RASSF1: variants seen among roughly 807,000 people sequenced by gnomAD.
RASSF1 encodes the protein Ras association domain family member 1, also known as ras association domain-containing protein 1.
Under a neutral mutation model 34.3 loss-of-function variants are expected in RASSF1, and 33 were observed. That is an observed-to-expected ratio of 0.96 (90% CI 0.73 to 1.29). RASSF1 has a LOEUF of 1.29. Among genes scored for constraint, RASSF1 ranks in the 50% most tolerant of loss-of-function variants. The pLI, the probability that RASSF1 is intolerant of heterozygous loss-of-function variation, is 0.00. For synonymous variants in RASSF1, 191 were observed against 195.0 expected, an observed-to-expected ratio of 0.98 and a Z score of 0.17; for missense variants, 445 against 471.8, an observed-to-expected ratio of 0.94 and a Z score of 0.53.
chr3:50,337,088 G>T (rs1222226942), intron 2 of RASSF1: 2 of 1,439,114 alleles, frequency 1.4e-6, no homozygotes, highest in South Asian at 1.4e-5. Flanking sequence ...GCTGCCCACC[G>T]ACCCAGGACG....
At chr3:50,337,700 G>C in intron 2 of RASSF1, 1 of 840,170 alleles carries the variant, frequency 1.2e-6, no homozygotes, top group East Asian at 2.8e-5. Context: ...CTGGGCCCGG[G>C]TCCGCTTGCA....
At chr3:50,339,814 G>A (rs1368597438) in intron 1 of RASSF1, among the ~76,000 whole-genome samples, 1 of 152,230 alleles carries the variant, frequency 6.6e-6, no homozygotes, top group Non-Finnish European at 1.5e-5. Context: ...GGCCAGAGCA[G>A]TGATGCTCAA....
chr3:50,337,917 C>T lies in RASSF1; in HGVS notation c.345G>A (p.Arg115=). ...GCCCCGCGCTCACCACGTTCGTGTC[C>T]CGCTCCACCGCGGGTTCCCAGCCCA... ...RDLGWEPAVE[R]DTNVDEPVEW... Residue 115 remains arginine (R), a synonymous_variant, in exon 2 of 6, where the codon CGG becomes CGA. Coordinates refer to ENST00000359365, the MANE Select transcript of RASSF1 (RefSeq NM_007182.5). 1 of 1,609,728 alleles carries T rather than the reference C, an allele frequency of 6.2e-7. No individual in the cohort carries two copies. The highest frequency in any genetic ancestry group is 8.5e-7 in the Non-Finnish European group (1 of 1,176,790).
intron 5 of RASSF1, 104 bp downstream of exon 5, chr3:50,331,230 G>T: frequency 1.1e-6 from 1 of 919,478 alleles, no homozygotes; most frequent in Non-Finnish European, 1.6e-6. Flanking sequence ...GAACTGTTTT[G>T]CAGGGCTTGT....
chr3:50,339,661 G>C (rs1334700747), intron 1 of RASSF1, among the ~76,000 whole-genome samples: 2 of 152,060 alleles, frequency 1.3e-5, no homozygotes, highest in Non-Finnish European at 2.9e-5. Flanking sequence ...GAGCCACCGC[G>C]CTCGGCCCCT....
At chr3:50,339,491 G>T (rs1195406962) in intron 1 of RASSF1, among the ~76,000 whole-genome samples, 2 of 148,002 alleles carry the variant, frequency 1.4e-5, no homozygotes, top group African/African-American at 5.0e-5. Context: ...TCAGCCTCCC[G>T]AGTAGCTGGG....
intron 2 of RASSF1, among the ~76,000 whole-genome samples, chr3:50,333,590 C>T (rs1043701949): frequency 6.6e-6 from 1 of 152,058 alleles, no homozygotes; most frequent in African/African-American, 2.4e-5. Context: ...GATTCTCCTG[C>T]CTCAGACTCC....
At position 50,340,818 on chromosome 3, in the gene RASSF1, C is replaced by T. The variant is rs754629908; in HGVS notation, c.-13G>A. ...GCTCCCCCGACATGGCCCGGTTGGG[C>T]CCGTGCTTCGCTGGCTTTGGGCGCT... On this transcript the variant is annotated 5_prime_UTR_variant, in exon 1 of 6. Transcript: ENST00000359365. 1.4e-6 allele frequency: 2 copies of T among 1,462,308 alleles called. No homozygotes were observed. Among genetic ancestry groups the T allele is most frequent in the South Asian group, 1.3e-5 (1 of 78,106 alleles). 90.6% of individuals were successfully genotyped at this position (1,462,308 alleles called of 1,614,324 possible). A position where few individuals can be genotyped will look rare whatever the true frequency, so the allele number is the denominator to read the frequency against.
chr3:50,333,036 G>A (rs1703002455), intron 2 of RASSF1, among the ~76,000 whole-genome samples: 1 of 152,102 alleles, frequency 6.6e-6, no homozygotes, highest in South Asian at 2.1e-4. Context: ...GGAGGTTGCA[G>A]TGAACTGAGA....
In RASSF1 at chr3:50,336,514, C is replaced by T. The variant is rs587703579; in HGVS notation, c.357+1391G>A. 3.3e-5 allele frequency: 5 copies of T among 152,394 alleles called. No homozygotes were observed. In the East Asian group the frequency reaches 9.6e-4, roughly 29 times the overall value. 9.4% of individuals were successfully genotyped at this position (152,394 alleles called of 1,614,324 possible). On this transcript the variant is annotated intron_variant, in intron 2 of 5. Coordinates refer to ENST00000359365, the MANE Select transcript of RASSF1 (RefSeq NM_007182.5). ...TCCACCTCTTTAGGCATTTTATAATCTAGCTTTCCCCCTTCCTGTGGGTAA... is the reference window on the plus strand; with the variant it reads ...TCCACCTCTTTAGGCATTTTATAATTTAGCTTTCCCCCTTCCTGTGGGTAA...
Position 50,332,065 on chromosome 3 carries a change from G to A in RASSF1, c.447C>T (p.Asn149=). ...IKEYNAQINS[N]LFMSLNKDGS... is the part of the protein sequence containing the mutation. ...GTCAACTCACCAAGCTCATGAAGAG[G>A]TTGCTGTTGATCTGGGCATTGTACT... The change falls in exon 3 of 6, where the codon AAC becomes AAT. Residue 149 remains asparagine, a synonymous_variant. Coordinates refer to ENST00000359365, the MANE Select transcript of RASSF1 (RefSeq NM_007182.5). 6.2e-7 allele frequency: 1 copy of A among 1,614,118 alleles called. No homozygotes were observed. Among genetic ancestry groups the A allele is most frequent in the Non-Finnish European group, 8.5e-7 (1 of 1,180,008 alleles).
chr3:50,334,188 A>G (rs1703044547), intron 2 of RASSF1, among the ~76,000 whole-genome samples: 1 of 152,216 alleles, frequency 6.6e-6, no homozygotes, highest in Non-Finnish European at 1.5e-5. Context: ...CCTTACCCAG[A>G]ACCCGCTGCT....
At chr3:50,334,850 AG>A (rs1703070094) in intron 2 of RASSF1, among the ~76,000 whole-genome samples, 1 of 152,204 alleles carries the variant, frequency 6.6e-6, no homozygotes, top group African/African-American at 2.4e-5. Flanking sequence ...CTGCTGGAAG[AG>A]GATTTCAACA....
rs776074778 is a variant in RASSF1, at chr3:50,340,617, C to T, written c.189G>A (p.Thr63=). The change falls in exon 1 of 6, where the codon ACG becomes ACA. Residue 63 remains threonine, a synonymous_variant. Coordinates refer to ENST00000359365, the MANE Select transcript of RASSF1 (RefSeq NM_007182.5). ...RFQPAGPATH[T]WCDLCGDFIW... ...TGAAGTCGCCACAGAGGTCGCACCA[C>T]GTGTGCGTGGCGGGCCCCGCGGGCT... 8 of 1,537,328 alleles carry T rather than the reference C, an allele frequency of 5.2e-6. No homozygotes were observed. In the East Asian group the frequency reaches 1.8e-4, roughly 35 times the overall value.
Position 50,330,693 on chromosome 3 carries a change from A to G in RASSF1, c.911T>C (p.Phe304Ser). The G allele has an allele frequency of 6.2e-7, 1 of 1,614,022 alleles. No homozygotes were observed. The highest frequency in any genetic ancestry group is 8.5e-7 in the Non-Finnish European group (1 of 1,179,968). ...DAFSMPELHNFLRILQREEEE... is the reference protein window; with the variant it reads ...DAFSMPELHNSLRILQREEEE... ...CTCCTCCCGCTGCAGGATACGTAGG[A>G]AGTTATGTAGTTCAGGCATGCTGAA... The change falls in exon 6 of 6, where the codon TTC becomes TCC. Residue 304 changes from phenylalanine (F) to serine (S), a missense_variant. Phe to Ser is a radical substitution (Grantham distance 155). Transcript: ENST00000359365. The surrounding 1 kb of genome is among the most constrained non-coding windows in gnomAD (Gnocchi z 4.5).
intron 2 of RASSF1, among the ~76,000 whole-genome samples, chr3:50,334,742 C>T (rs1282409094): frequency 6.6e-6 from 1 of 152,188 alleles, no homozygotes; most frequent in Admixed American, 6.5e-5. Flanking sequence ...ATGAACCTCC[C>T]TATCTTCACT....
At chr3:50,338,098 G>T in intron 1 of RASSF1, 87 bp from the exon 2 acceptor site, 1 of 1,513,566 alleles carries the variant, frequency 6.6e-7, no homozygotes, top group Non-Finnish European at 8.9e-7. Context: ...GGAGAGGGCC[G>T]CTGCTCGCCA....
chr3:50,337,620 A>C, intron 2 of RASSF1: 1 of 1,097,552 alleles, frequency 9.1e-7, no homozygotes, highest in Non-Finnish European at 1.3e-6. Flanking sequence ...CAAGCGCACA[A>C]GAGTGGCCTC....
rs1703223155 is a variant in RASSF1, at chr3:50,337,944, G to T, written c.318C>A (p.Asp106Glu). The T allele has an allele frequency of 1.9e-6, 3 of 1,612,040 alleles. No individual in the cohort carries two copies. In the South Asian group the frequency reaches 3.3e-5, roughly 18 times the overall value. ...LVCLDCCGPR[D>E]LGWEPAVERD... ...GCTCCACCGCGGGTTCCCAGCCCAG[G>T]TCCCGGGGCCCGCAACAGTCCAGGC... Residue 106 changes from aspartate (D) to glutamate (E), a missense_variant, in exon 2 of 6, where the codon GAC (aspartate) becomes GAA (glutamate). By Grantham distance (45) the Asp-to-Glu change is conservative (BLOSUM62 2). Transcript: ENST00000359365.
Sources: gnomAD v4.1 joint callset for allele counts (sites outside exome capture counted in the v4.1 genomes callset) on GRCh38, gnomAD v4.1.1 for gene constraint, Gnocchi (gnomAD v3.1) non-coding constraint, MANE v1.5 for transcripts, NCBI Gene and HGNC (gene_info 2026-07-23, HGNC 2026-07-21) for gene names.